Variants in PRKCH observed in about 807,000 individuals in gnomAD.
PRKCH encodes the protein protein kinase C eta.
Under a neutral mutation model 82.5 loss-of-function variants are expected in PRKCH, and 28 were observed. That is an observed-to-expected ratio of 0.34 (90% CI 0.25 to 0.47). The LOEUF (loss-of-function observed/expected upper bound fraction) is 0.47, where lower values mean the gene tolerates loss of function less well. PRKCH is among the 20% of genes least tolerant of loss of function. PRKCH has a pLI of 1.00. For missense variants in PRKCH, 705 were observed against 881.8 expected (o/e 0.80, Z 2.54); for synonymous variants, 322 against 327.4 (o/e 0.98, Z 0.18).
intron 10 of PRKCH, 30 bp from the exon 11 acceptor site, chr14:61,529,045 C>G: frequency 6.4e-7 from 1 of 1,562,282 alleles, no homozygotes. Context: ...TCTGGCTGCC[C>G]TATCTCGTGC....
chr14:61,480,869 G>T (rs781110816), intron 9 of PRKCH, among the ~76,000 whole-genome samples: 12 of 152,050 alleles, frequency 7.9e-5, no homozygotes, highest in Non-Finnish European at 1.2e-4. Context: ...AGTCCCTCCC[G>T]TCTGCCTGAC....
chr14:61,368,846 G>A (rs1462783646), intron 1 of PRKCH, among the ~76,000 whole-genome samples: 6 of 152,064 alleles, frequency 3.9e-5, no homozygotes, highest in Non-Finnish European at 8.8e-5. Context: ...AAGTGCAGTT[G>A]ACAATTATTG....
chr14:61,444,421 G>A (rs1364264889), intron 3 of PRKCH, among the ~76,000 whole-genome samples: 3 of 150,150 alleles, frequency 2.0e-5, no homozygotes, highest in African/African-American at 7.4e-5. Flanking sequence ...TGTATTTCAT[G>A]TCACACTTTT....
chr14:61,459,938 G>T (rs57447735), intron 9 of PRKCH, among the ~76,000 whole-genome samples: 2 of 152,110 alleles, frequency 1.3e-5, no homozygotes, highest in African/African-American at 2.4e-5. Flanking sequence ...CAAGCTCCCA[G>T]GCTAAAGCTA....
At chr14:61,393,419 C>T (rs2140205575) in intron 2 of PRKCH, among the ~76,000 whole-genome samples, 1 of 152,302 alleles carries the variant, frequency 6.6e-6, no homozygotes, top group Middle Eastern at 3.4e-3. Flanking sequence ...TTAGTCAATT[C>T]TGTAGTCCGT....
chr14:61,199,902 A>G (rs1179017997), intron 1 of PRKCH, among the ~76,000 whole-genome samples: 1 of 152,224 alleles, frequency 6.6e-6, no homozygotes, highest in Non-Finnish European at 1.5e-5. Context: ...TGTATCTGCC[A>G]AGATGTACAG....
At position 61,321,987 on chromosome 14, in the gene PRKCH, TC is replaced by T; in HGVS notation, c.-111del. On this transcript the variant is annotated 5_prime_UTR_variant, in exon 1 of 14. The change abolishes the stop of an existing upstream ORF in the 5' untranslated region. Transcript: ENST00000332981. The surrounding 1 kb of genome is among the most constrained non-coding windows in gnomAD (Gnocchi z 4.1). ...TCGAGGGGCGCTTAGGCGCTGCCTT[TC>T]CCCAGGGCTGCCTCGACTCCTGCAC... 1 of 1,189,168 alleles carries T rather than the reference TC, an allele frequency of 8.4e-7. No homozygotes were observed. 73.7% of individuals were successfully genotyped at this position (1,189,168 alleles called of 1,614,324 possible).
intron 1 of PRKCH, among the ~76,000 whole-genome samples, chr14:61,243,210 T>C (rs1317647268): frequency 6.6e-6 from 1 of 151,522 alleles, no homozygotes; most frequent in East Asian, 1.9e-4. Context: ...GCTTGGCCAA[T>C]ATAGCAAAAC....
chr14:61,189,150 A>G (rs1355423596), intron 1 of PRKCH, among the ~76,000 whole-genome samples: 1 of 152,228 alleles, frequency 6.6e-6, no homozygotes, highest in Non-Finnish European at 1.5e-5. Flanking sequence ...CCAGCGCCCC[A>G]GCGCCCCCGC....
At chr14:61,308,154 A>G (rs1174723376) in intron 1 of PRKCH, among the ~76,000 whole-genome samples, 1 of 152,178 alleles carries the variant, frequency 6.6e-6, no homozygotes, top group Non-Finnish European at 1.5e-5. Context: ...GTAATTTGAA[A>G]ACTTAAAATG....
intron 2 of PRKCH, among the ~76,000 whole-genome samples, chr14:61,436,949 A>G (rs1883708324): frequency 6.6e-6 from 1 of 152,218 alleles, no homozygotes; most frequent in Non-Finnish European, 1.5e-5. Flanking sequence ...CCTCTTTTCC[A>G]AAGACTACTA....
At chr14:61,436,925 A>G (rs895967649) in intron 2 of PRKCH, among the ~76,000 whole-genome samples, 2 of 152,180 alleles carry the variant, frequency 1.3e-5, no homozygotes, top group Non-Finnish European at 2.9e-5. Context: ...GCTCTAATTC[A>G]CCAAGTTCTC....
chr14:61,192,170 T>C (rs2044410945), intron 1 of PRKCH, among the ~76,000 whole-genome samples: 1 of 152,154 alleles, frequency 6.6e-6, no homozygotes, highest in South Asian at 2.1e-4. Flanking sequence ...TTATTCAAAT[T>C]TAATTTTTAA....
chr14:61,255,789 T>G (rs984871738), intron 1 of PRKCH, among the ~76,000 whole-genome samples: 46 of 152,290 alleles, frequency 3.0e-4, no homozygotes, highest in African/African-American at 1.1e-3. Flanking sequence ...TCTCACCTGG[T>G]CTAGACTTAA....
intron 1 of PRKCH, among the ~76,000 whole-genome samples, chr14:61,210,553 G>C (rs2044566682): frequency 1.3e-5 from 2 of 152,022 alleles, no homozygotes; most frequent in South Asian, 2.1e-4. Context: ...TGTGACTTTG[G>C]GATTCTGTAC....
chr14:61,514,780 G>A (rs561362882), intron 10 of PRKCH, among the ~76,000 whole-genome samples: 6 of 152,144 alleles, frequency 3.9e-5, no homozygotes, highest in South Asian at 4.1e-4. Flanking sequence ...ATATAGAAAC[G>A]AAGGCAATGA....
intron 1 of PRKCH, among the ~76,000 whole-genome samples, chr14:61,370,546 T>C (rs1256831461): frequency 1.3e-5 from 2 of 152,122 alleles, no homozygotes; most frequent in African/African-American, 4.8e-5. Flanking sequence ...TCCAAATCTT[T>C]GTATCCATTT....
At chr14:61,409,703 CAAAAAAA>C (rs56238869) in intron 2 of PRKCH, among the ~76,000 whole-genome samples, 28 of 56,120 alleles carry the variant, frequency 5.0e-4, no homozygotes, top group Non-Finnish European at 6.4e-4. Flanking sequence ...GACCCTGTCT[CAAAAAAA>C]AAAAAAAAAA....
chr14:61,536,377 A>T (rs918146184), intron 12 of PRKCH, among the ~76,000 whole-genome samples: 2 of 152,114 alleles, frequency 1.3e-5, no homozygotes, highest in Admixed American at 1.3e-4. Context: ...ACTTTGCCCC[A>T]TGCTGCCTCC....
Sources: allele counts gnomAD v4.1 joint callset (sites outside exome capture counted in the v4.1 genomes callset), GRCh38; gene constraint gnomAD v4.1.1; non-coding constraint Gnocchi (gnomAD v3.1); transcripts MANE v1.5; gene names NCBI Gene and HGNC (gene_info 2026-07-23, HGNC 2026-07-21).